The following XPNPEP2 variants were observed in gnomAD, a reference collection of about 807,000 sequenced individuals.
XPNPEP2 encodes the protein xaa-Pro aminopeptidase 2.
In XPNPEP2, 64 loss-of-function variants were observed where a neutral mutation model predicts 59.8. The observed-to-expected ratio is 1.07, with a 90% CI of 0.87 to 1.32. The LOEUF is 1.32. XPNPEP2 is among the 40% of genes most tolerant of loss of function. The probability of loss-of-function intolerance (pLI) is 0.00; values close to 1 mark genes in which losing one functional copy is unlikely to be tolerated. For missense variants in XPNPEP2, 575 were observed against 546.8 expected (o/e 1.05, Z -0.51); for synonymous variants, 235 against 210.0 (o/e 1.12, Z -1.03).
chrX:129,756,055 G>A (rs778522702), intron 13 of XPNPEP2, among the ~76,000 whole-genome samples: 7 of 112,349 alleles, frequency 6.2e-5, no homozygotes, highest in South Asian at 7.4e-4. Flanking sequence ...CTCTGCTCTC[G>A]GAGGCAGCAG....
At chrX:129,767,931 G>T (rs1176396929) in intron 20 of XPNPEP2, among the ~76,000 whole-genome samples, 1 of 111,579 alleles carries the variant, frequency 9.0e-6, no homozygotes, top group Admixed American at 9.5e-5. Flanking sequence ...CTGAGATTGG[G>T]CCTCTGAGCT....
At chrX:129,741,609 C>G (rs1291621660) in intron 1 of XPNPEP2, among the ~76,000 whole-genome samples, 1 of 111,898 alleles carries the variant, frequency 8.9e-6, no homozygotes, top group East Asian at 2.8e-4. Flanking sequence ...TGAAAATGAG[C>G]CTGGAATGAT....
At chrX:129,761,842 A>T (rs859584) in intron 17 of XPNPEP2, among the ~76,000 whole-genome samples, 164 bp from the exon 18 acceptor site, 28 of 111,576 alleles carry the variant, frequency 2.5e-4, no homozygotes, top group African/African-American at 9.2e-4. Flanking sequence ...TAAAAGCCAG[A>T]GCCAATCTGG....
intron 15 of XPNPEP2, 118 bp downstream of exon 15, chrX:129,759,358 C>T: frequency 1.1e-6 from 1 of 885,408 alleles, no homozygotes; most frequent in African/African-American, 2.0e-5. Flanking sequence ...GTAGTTTGCC[C>T]AAGGTGACAC....
At chrX:129,751,958 C>T in intron 9 of XPNPEP2, 132 bp downstream of exon 9, 1 of 808,167 alleles carries the variant, frequency 1.2e-6, no homozygotes, top group Admixed American at 2.6e-5. Flanking sequence ...CAGCACGACC[C>T]TTTAGAAAAC....
rs1387733763 is a variant in XPNPEP2 at position 129,739,073 on chromosome X, G to A, written c.-141G>A. On this transcript the variant is annotated 5_prime_UTR_variant, in exon 1 of 21. Coordinates refer to ENST00000371106, the MANE Select transcript of XPNPEP2 (RefSeq NM_003399.6). The stretch of plus-strand genomic sequence containing the variant: ...CCAGAGAAGCACTCTCCACCCAGCA[G>A]CCAGACGCCTCCTTCTTGACGCCAG... 1.7e-6 allele frequency: 1 copy of A among 599,358 alleles called. No homozygotes were observed. The highest frequency in any genetic ancestry group is 2.3e-5 in the African/African-American group (1 of 44,077). The allele number at this position is 599,358 out of a possible 1,213,427, so 49.4% of individuals were successfully genotyped here.
At position 129,754,512 on chromosome X, in the gene XPNPEP2, T is replaced by C; in HGVS notation, c.1148T>C (p.Leu383Pro). 2 of 1,195,779 alleles carry C rather than the reference T, an allele frequency of 1.7e-6. No homozygotes were observed. Among genetic ancestry groups the C allele is most frequent in the Non-Finnish European group, 2.3e-6 (2 of 888,289 alleles). The change falls in exon 12 of 21, where the codon CTG becomes CCG. Residue 383 changes from leucine (L) to proline (P), a missense_variant. Transcript: ENST00000371106. ...AVAVIRYLVWLEKNVPKGTVD... is the reference protein window; with the variant it reads ...AVAVIRYLVWPEKNVPKGTVD... ...GCTGTGATCCGGTACTTGGTCTGGC[T>C]GGAGAAGAACGTGCCCAAAGGCACA...
Position 129,747,645 on chromosome X carries a change from A to AACAG in XPNPEP2, c.534_537dup (p.Leu180ThrfsTer65). 1 of 1,211,919 alleles carries AACAG rather than the reference A, an allele frequency of 8.3e-7. No individual in the cohort carries two copies. The highest frequency in any genetic ancestry group is 3.0e-5 in the East Asian group (1 of 33,866). On this transcript the variant is annotated frameshift_variant, in exon 7 of 21. Coordinates refer to ENST00000371106, the MANE Select transcript of XPNPEP2 (RefSeq NM_003399.6). LOFTEE classifies it high-confidence loss of function. The stretch of plus-strand genomic sequence containing the variant: ...TTATGATCTGGCCCTCCAAGGCTCT[A>AACAG]ACAGACAGCTGGTGTCCATCACAAC...
chrX:129,760,388 C>A, intron 15 of XPNPEP2, 124 bp from the exon 16 acceptor site: 1 of 699,226 alleles, frequency 1.4e-6, no homozygotes, highest in South Asian at 2.9e-5. Flanking sequence ...CGATGAGACT[C>A]CCCCCACCCT....
At chrX:129,761,565 T>C (rs776660864) in intron 17 of XPNPEP2, among the ~76,000 whole-genome samples, 1 of 111,788 alleles carries the variant, frequency 8.9e-6, no homozygotes, top group Non-Finnish European at 1.9e-5. Context: ...CTCACACCCA[T>C]AGTCCCACTG....
intron 3 of XPNPEP2, 137 bp downstream of exon 3, chrX:129,744,208 C>T (rs1041640159): frequency 2.4e-5 from 13 of 547,254 alleles, no homozygotes; most frequent in African/African-American, 1.6e-4. Flanking sequence ...AGAGCATGGA[C>T]ACGGTAGTTT....
rs1926248931 is a variant in XPNPEP2, at chrX:129,744,054, G to A, written c.217G>A (p.Gly73Ser). 1 of 1,210,740 alleles carries A rather than the reference G, an allele frequency of 8.3e-7. No homozygotes were observed. The highest frequency in any genetic ancestry group is 2.2e-5 in the Admixed American group (1 of 46,023). Residue 73 changes from glycine (G) to serine (S), a missense_variant, in exon 3 of 21, where the codon GGC becomes AGC. Physicochemically the swap from Gly to Ser is moderately conservative, Grantham distance 56. Transcript: ENST00000371106. ...GAATCTCTCAGCCTACATCATCCCA[G>A]GCACAGATGCTCACATGGTAAGAGA... Reference protein sequence around the residue: ...TQNLSAYIIPGTDAHMNEYIG... With the variant: ...TQNLSAYIIPSTDAHMNEYIG...
Position 129,769,157 on chromosome X carries a change from G to A in XPNPEP2, c.*672G>A, listed in dbSNP as rs181457944. 2 of 112,526 alleles carry A rather than the reference G, an allele frequency of 1.8e-5. No homozygotes were observed. The highest frequency in any genetic ancestry group is 1.9e-4 in the Admixed American group (2 of 10,647). 9.3% of individuals were successfully genotyped at this position (112,526 alleles called of 1,213,427 possible). A position where few individuals can be genotyped will look rare whatever the true frequency, so the allele number is the denominator to read the frequency against. ...CCCGTCACTATTCTAGACTTCCCTGGCATTCGAGGAGCCCTTTGAACTTTC... is the reference window on the plus strand; with the variant it reads ...CCCGTCACTATTCTAGACTTCCCTGACATTCGAGGAGCCCTTTGAACTTTC... On this transcript the variant is annotated 3_prime_UTR_variant, in exon 21 of 21. Coordinates refer to ENST00000371106, the MANE Select transcript of XPNPEP2 (RefSeq NM_003399.6).
intron 17 of XPNPEP2, 24 bp from the exon 18 acceptor site, chrX:129,761,982 C>A (rs1456037962): frequency 8.3e-7 from 1 of 1,207,544 alleles, no homozygotes; most frequent in Non-Finnish European, 1.1e-6. Flanking sequence ...AGAACTGATA[C>A]CATGTTTATG....
rs981769796 is a variant in XPNPEP2 at position 129,768,669 on chromosome X, T to G, written c.*184T>G. On this transcript the variant is annotated 3_prime_UTR_variant, in exon 21 of 21. Coordinates refer to ENST00000371106, the MANE Select transcript of XPNPEP2 (RefSeq NM_003399.6). ...CAGGCCCCAGGAACACAGGGCTTCT[T>G]GGCCCCAGATGGCACCTCCCTGCAC... 1.1e-5 allele frequency: 4 copies of G among 369,344 alleles called. No individual in the cohort carries two copies. The highest frequency in any genetic ancestry group is 1.1e-4 in the African/African-American group (4 of 38,016). 30.4% of individuals were successfully genotyped at this position (369,344 alleles called of 1,213,427 possible).
chrX:129,742,216 T>A, intron 2 of XPNPEP2, 35 bp downstream of exon 2: 2 of 638,180 alleles, frequency 3.1e-6, no homozygotes, highest in African/African-American at 4.4e-5. Flanking sequence ...ACGGCCCCCC[T>A]GGCCCCACGC....
In XPNPEP2 at chrX:129,753,230, C is replaced by T. The variant is rs938361223; in HGVS notation, c.1089C>T (p.Ala363=). The T allele has an allele frequency of 8.3e-7, 1 of 1,209,882 alleles. No individual in the cohort carries two copies. The highest frequency in any genetic ancestry group is 1.7e-5 in the African/African-American group (1 of 57,165). The change falls in exon 11 of 21, where the codon GCC becomes GCT. Residue 363 remains alanine (A), a synonymous_variant. Transcript: ENST00000371106. Reference sequence around the variant, plus strand: ...CAGTGAAGAACAGCAAGGAGCAGGCCCTCCTCAAGGCCAGCCACGTAAGTC... The same window carrying T: ...CAGTGAAGAACAGCAAGGAGCAGGCTCTCCTCAAGGCCAGCCACGTAAGTC... The part of the protein sequence containing the change: ...TKAVKNSKEQ[A]LLKASHVRDA...
Position 129,742,073 on chromosome X carries a change from C to T in XPNPEP2, c.50-35C>T, listed in dbSNP as rs755182625. 2.4e-5 allele frequency: 28 copies of T among 1,188,988 alleles called. No homozygotes were observed. The South Asian group carries it at 4.3e-4, about 18-fold the overall frequency. On this transcript the variant is annotated intron_variant, in intron 1 of 20. Transcript: ENST00000371106. ...TTCCCTCTCTAGGAACTAGCTGGTC[C>T]CCAAATGACCCTGGATTTTTCTCCC...
At chrX:129,751,580 AAG>A (rs1491566274) in intron 8 of XPNPEP2, among the ~76,000 whole-genome samples, 163 bp from the exon 9 acceptor site, 3 of 77,346 alleles carry the variant, frequency 3.9e-5, no homozygotes, top group African/African-American at 1.7e-4. Context: ...GAAAGAAAGA[AAG>A]AAAGAAAGAA....
Sources: allele counts gnomAD v4.1 joint callset (sites outside exome capture counted in the v4.1 genomes callset), GRCh38; gene constraint gnomAD v4.1.1; transcripts MANE v1.5; gene names NCBI Gene and HGNC (gene_info 2026-07-23, HGNC 2026-07-21).